The following ANO2 variants were observed in gnomAD, a reference collection of about 807,000 sequenced individuals.
ANO2 encodes the protein anoctamin-2.
In ANO2, 101 loss-of-function variants were observed where a neutral mutation model predicts 124.2. That is an observed-to-expected ratio of 0.81 (90% CI 0.69 to 0.96). The LOEUF (loss-of-function observed/expected upper bound fraction) is 0.96. Ranked by LOEUF, ANO2 falls within the 40% of genes least tolerant of loss-of-function variation. The pLI, the probability that ANO2 is intolerant of heterozygous loss-of-function variation, is 0.00. For synonymous variants in ANO2, 486 were observed against 482.5 expected, an observed-to-expected ratio of 1.01 and a Z score of -0.09; for missense variants, 1,293 against 1,274.5, an observed-to-expected ratio of 1.01 and a Z score of -0.22.
chr12:5,928,115 C>G (rs1298181143), intron 1 of ANO2, among the ~76,000 whole-genome samples: 1 of 152,022 alleles, frequency 6.6e-6, no homozygotes. Flanking sequence ...GGGACCTAGG[C>G]AACTTCCAGA....
intron 4 of ANO2, among the ~76,000 whole-genome samples, chr12:5,851,473 A>G (rs1376779324): frequency 6.6e-6 from 1 of 151,982 alleles, no homozygotes; most frequent in African/African-American, 2.4e-5. Context: ...AGATCATGAG[A>G]TCAGAAATTC....
chr12:5,727,456 T>C (rs1208543593), intron 14 of ANO2, among the ~76,000 whole-genome samples: 1 of 147,472 alleles, frequency 6.8e-6, no homozygotes, highest in Non-Finnish European at 1.5e-5. Context: ...CGGGTATTTA[T>C]AGCAATGCAA....
At chr12:5,681,155 G>A (rs528749361) in intron 14 of ANO2, among the ~76,000 whole-genome samples, 2 of 152,340 alleles carry the variant, frequency 1.3e-5, no homozygotes, top group East Asian at 3.9e-4. Flanking sequence ...TGCTAAGCAG[G>A]AAAGAGACTC....
At chr12:5,842,871 C>T (rs1954561975) in intron 4 of ANO2, among the ~76,000 whole-genome samples, 1 of 152,036 alleles carries the variant, frequency 6.6e-6, no homozygotes, top group Admixed American at 6.6e-5. Flanking sequence ...TAGGTACCAC[C>T]AATTATTTTT....
At chr12:5,856,005 C>T (rs915102072) in intron 3 of ANO2, among the ~76,000 whole-genome samples, 3 of 152,160 alleles carry the variant, frequency 2.0e-5, no homozygotes, top group African/African-American at 4.8e-5. Flanking sequence ...AAGAAATCTC[C>T]CCAATTTTAT....
intron 3 of ANO2, among the ~76,000 whole-genome samples, chr12:5,912,090 G>C (rs185278768): frequency 6.6e-6 from 1 of 152,286 alleles, no homozygotes; most frequent in East Asian, 1.9e-4. Flanking sequence ...AGGAATCCTA[G>C]AGATCTCCAG....
intron 19 of ANO2, chr12:5,608,751 A>G (rs1190317650): frequency 1.3e-5 from 2 of 152,222 alleles, no homozygotes; most frequent in African/African-American, 4.8e-5. Context: ...GGCATACGCC[A>G]TGTGCTATTT....
At chr12:5,876,413 A>G (rs1046444069) in intron 3 of ANO2, among the ~76,000 whole-genome samples, 18 of 152,210 alleles carry the variant, frequency 1.2e-4, no homozygotes, top group African/African-American at 3.9e-4. Context: ...ATTGTGGAAG[A>G]CAGTGTGGCA....
chr12:5,792,181 T>C (rs1952717355), intron 10 of ANO2, among the ~76,000 whole-genome samples: 1 of 152,060 alleles, frequency 6.6e-6, no homozygotes, highest in Non-Finnish European at 1.5e-5. Context: ...TGGAAACAAA[T>C]CTGGAGGTAA....
chr12:5,792,672 T>C lies in ANO2; in HGVS notation c.1055+6835A>G, dbSNP rs1051904593. 3.9e-5 allele frequency among the ~76,000 whole-genome samples: 6 copies of C among 152,208 alleles called. No individual in the cohort carries two copies. In the South Asian group the frequency reaches 1.2e-3, roughly 32 times the overall value. On this transcript the variant is annotated intron_variant, in intron 10 of 24. Transcript: ENST00000682330. ...CTCTGAGCCCATCACAAATGGCTAG[T>C]CGAAGGCCAATTTTCCCTCGTGATC...
At chr12:5,705,025 G>A (rs1949553644) in intron 14 of ANO2, among the ~76,000 whole-genome samples, 1 of 152,062 alleles carries the variant, frequency 6.6e-6, no homozygotes, top group African/African-American at 2.4e-5. Context: ...CATTATTATG[G>A]TTTATCTATA....
intron 14 of ANO2, among the ~76,000 whole-genome samples, chr12:5,659,433 C>T (rs559910871): frequency 4.6e-5 from 7 of 152,268 alleles, no homozygotes; most frequent in South Asian, 4.2e-4. Context: ...CCCTCAGCCC[C>T]GTGGACTCAC....
At chr12:5,758,217 T>C (rs548742964) in intron 10 of ANO2, among the ~76,000 whole-genome samples, 214 of 152,292 alleles carry the variant, frequency 1.4e-3, no homozygotes, top group South Asian at 2.9e-3. Context: ...CCCGAGATTC[T>C]GCAAAATTAC....
At chr12:5,873,176 T>C (rs180691990) in intron 3 of ANO2, among the ~76,000 whole-genome samples, 2 of 151,044 alleles carry the variant, frequency 1.3e-5, no homozygotes, top group African/African-American at 4.9e-5. Context: ...ATTATAACTT[T>C]GTTACTTTTG....
At chr12:5,587,053 C>T (rs1943147036) in intron 20 of ANO2, among the ~76,000 whole-genome samples, 1 of 152,192 alleles carries the variant, frequency 6.6e-6, no homozygotes, top group Non-Finnish European at 1.5e-5. Context: ...GTAACGTCTG[C>T]AGAGTCCAAC....
At chr12:5,907,637 A>G (rs954870756) in intron 3 of ANO2, among the ~76,000 whole-genome samples, 77 of 145,180 alleles carry the variant, frequency 5.3e-4, no homozygotes, top group Middle Eastern at 3.6e-3. Context: ...AAAGAGGGGG[A>G]AAAAAAAAGG....
At position 5,754,709 on chromosome 12, in the gene ANO2, T is replaced by C. The variant is rs535559702; in HGVS notation, c.1056-3739A>G. Among the ~76,000 whole-genome samples the C allele has an allele frequency of 7.2e-5, 11 of 152,304 alleles. No homozygotes were observed. In the South Asian group the frequency reaches 1.9e-3, roughly 26 times the overall value. ...TAAGCATTTATCCATTTATTCTAGA[T>C]TGTCCAATTTGTTGGTGTATAATTG... On this transcript the variant is annotated intron_variant, in intron 10 of 24. Coordinates refer to ENST00000682330, the MANE Select transcript of ANO2 (RefSeq NM_001364791.2).
chr12:5,692,030 T>C (rs1315748437), intron 14 of ANO2, among the ~76,000 whole-genome samples: 2 of 152,162 alleles, frequency 1.3e-5, no homozygotes, highest in African/African-American at 4.8e-5. Flanking sequence ...GGGTTTTATG[T>C]GGGCGAGTGA....
chr12:5,817,218 C>T (rs907246992), intron 7 of ANO2, among the ~76,000 whole-genome samples: 4 of 152,188 alleles, frequency 2.6e-5, no homozygotes, highest in African/African-American at 9.6e-5. Context: ...CCGCTTATTT[C>T]ATCTTTACAA....
Sources: allele counts gnomAD v4.1 joint callset (sites outside exome capture counted in the v4.1 genomes callset), GRCh38; gene constraint gnomAD v4.1.1; transcripts MANE v1.5; gene names NCBI Gene and HGNC (gene_info 2026-07-23, HGNC 2026-07-21).